Variants in CACNG3 observed in about 807,000 individuals in gnomAD.
The protein encoded by CACNG3 is calcium voltage-gated channel auxiliary subunit gamma 3.
In CACNG3, 3 loss-of-function variants were observed where a neutral mutation model predicts 28.5. The observed-to-expected ratio is 0.11, with a 90% CI of 0.05 to 0.27. CACNG3 has a LOEUF of 0.27. Ranked by LOEUF, CACNG3 falls within the 10% of genes least tolerant of loss-of-function variation. The pLI, the probability that CACNG3 is intolerant of heterozygous loss-of-function variation, is 1.00. For missense variants in CACNG3, 236 were observed against 414.4 expected, an observed-to-expected ratio of 0.57 and a Z score of 3.74; for synonymous variants, 174 against 162.2, an observed-to-expected ratio of 1.07 and a Z score of -0.55.
At chr16:24,339,440 C>A (rs11641006) in intron 1 of CACNG3, among the ~76,000 whole-genome samples, 1 of 151,080 alleles carries the variant, frequency 6.6e-6, no homozygotes, top group Non-Finnish European at 1.5e-5. Context: ...AGCTGGAGTG[C>A]AGTGGTGCCA....
chr16:24,306,981 T>G (rs9926669), intron 1 of CACNG3, among the ~76,000 whole-genome samples: 1 of 151,918 alleles, frequency 6.6e-6, no homozygotes, highest in African/African-American at 2.4e-5. Context: ...CCGCTCCGGG[T>G]ACTGCTCTCA....
chr16:24,271,147 GTCT>G (rs971677985), intron 1 of CACNG3, among the ~76,000 whole-genome samples: 12 of 152,316 alleles, frequency 7.9e-5, no homozygotes, highest in African/African-American at 2.9e-4. Context: ...CCATGGCTGA[GTCT>G]TCTTCTCAAC....
chr16:24,274,299 T>C (rs974267303), intron 1 of CACNG3, among the ~76,000 whole-genome samples: 4 of 151,972 alleles, frequency 2.6e-5, no homozygotes, highest in African/African-American at 9.7e-5. Context: ...ACTTAACCTC[T>C]CTGTGTCTGT....
chr16:24,345,265 C>A (rs1401801111), intron 1 of CACNG3, among the ~76,000 whole-genome samples: 1 of 152,192 alleles, frequency 6.6e-6, no homozygotes, highest in Non-Finnish European at 1.5e-5. Context: ...TGATTCCACT[C>A]CAGCTACACA....
chr16:24,349,790 C>T (rs990386933), intron 2 of CACNG3, among the ~76,000 whole-genome samples: 2 of 152,178 alleles, frequency 1.3e-5, no homozygotes, highest in Non-Finnish European at 2.9e-5. Context: ...CCTATCTCAT[C>T]CTGTGCTTGG....
At chr16:24,295,386 T>C (rs138998861) in intron 1 of CACNG3, among the ~76,000 whole-genome samples, 102 of 152,290 alleles carry the variant, frequency 6.7e-4, no homozygotes, top group African/African-American at 2.5e-3. Flanking sequence ...TGATGGCGGC[T>C]AGATGTCAGT....
At chr16:24,259,978 C>T (rs557016670) in intron 1 of CACNG3, among the ~76,000 whole-genome samples, 13 of 152,310 alleles carry the variant, frequency 8.5e-5, no homozygotes, top group African/African-American at 2.4e-4. Context: ...TCTAAAGGTG[C>T]TCCAAGCAAT....
intron 1 of CACNG3, among the ~76,000 whole-genome samples, chr16:24,274,930 A>T (rs1332691575): frequency 6.6e-6 from 1 of 152,216 alleles, no homozygotes; most frequent in African/African-American, 2.4e-5. Flanking sequence ...GGTATTTTAA[A>T]TCGGAAAACC....
chr16:24,354,708 C>A, intron 2 of CACNG3, 125 bp from the exon 3 acceptor site: 2 of 931,582 alleles, frequency 2.1e-6, no homozygotes, highest in South Asian at 1.6e-5. Context: ...GTCTCATGCC[C>A]GTGTTAGACA....
intron 1 of CACNG3, among the ~76,000 whole-genome samples, chr16:24,293,889 A>G (rs1898997186): frequency 6.6e-6 from 1 of 152,098 alleles, no homozygotes; most frequent in South Asian, 2.1e-4. Context: ...CGGGATTCAT[A>G]TTGAAAATAT....
chr16:24,321,860 C>A (rs544645155), intron 1 of CACNG3, among the ~76,000 whole-genome samples: 45 of 152,272 alleles, frequency 3.0e-4, no homozygotes, highest in African/African-American at 6.3e-4. Flanking sequence ...ACTGTTGTTA[C>A]TCTCTTACTG....
chr16:24,342,409 G>A (rs1044995421), intron 1 of CACNG3, among the ~76,000 whole-genome samples: 5 of 152,102 alleles, frequency 3.3e-5, no homozygotes, highest in Admixed American at 6.6e-5. Context: ...CCAGATTTGC[G>A]CCAGAAGCCA....
At chr16:24,278,979 G>A (rs1053335917) in intron 1 of CACNG3, among the ~76,000 whole-genome samples, 1 of 152,188 alleles carries the variant, frequency 6.6e-6, no homozygotes, top group Non-Finnish European at 1.5e-5. Flanking sequence ...CCCGGGAAAA[G>A]GGAACAGCAA....
At chr16:24,328,736 G>A (rs1333186425) in intron 1 of CACNG3, among the ~76,000 whole-genome samples, 2 of 152,166 alleles carry the variant, frequency 1.3e-5, no homozygotes, top group Non-Finnish European at 2.9e-5. Context: ...GGCAGAAAGA[G>A]CATCAGCTGC....
At chr16:24,282,997 T>C (rs1596626712) in intron 1 of CACNG3, among the ~76,000 whole-genome samples, 3 of 152,046 alleles carry the variant, frequency 2.0e-5, no homozygotes, top group African/African-American at 7.2e-5. Flanking sequence ...GCCTCCCAAG[T>C]AGCTGGGACT....
intron 3 of CACNG3, among the ~76,000 whole-genome samples, chr16:24,359,752 A>G (rs1464420579): frequency 6.6e-6 from 1 of 152,144 alleles, no homozygotes; most frequent in African/African-American, 2.4e-5. Context: ...AGTCCCAGCT[A>G]TTCAGGAGGC....
At chr16:24,286,440 A>G (rs920719489) in intron 1 of CACNG3, among the ~76,000 whole-genome samples, 9 of 151,754 alleles carry the variant, frequency 5.9e-5, no homozygotes, top group Non-Finnish European at 5.9e-5. Context: ...ACACATATAT[A>G]TATATCATAT....
intron 1 of CACNG3, among the ~76,000 whole-genome samples, chr16:24,325,191 C>G (rs1017252349): frequency 1.3e-5 from 2 of 152,122 alleles, no homozygotes; most frequent in Non-Finnish European, 2.9e-5. Flanking sequence ...TAATATCAGC[C>G]AATTCTTTAA....
At chr16:24,301,241 A>G (rs1041338119) in intron 1 of CACNG3, among the ~76,000 whole-genome samples, 2 of 151,408 alleles carry the variant, frequency 1.3e-5, no homozygotes, top group Non-Finnish European at 2.9e-5. Context: ...GCTCAATTAT[A>G]TGGGGATCCA....
Sources: gnomAD v4.1 joint callset for allele counts (sites outside exome capture counted in the v4.1 genomes callset) on GRCh38, gnomAD v4.1.1 for gene constraint, MANE v1.5 for transcripts, NCBI Gene and HGNC (gene_info 2026-07-23, HGNC 2026-07-21) for gene names.